The following KMT2C variants were observed in gnomAD, a reference collection of about 807,000 sequenced individuals.
KMT2C encodes histone-lysine N-methyltransferase 2C.
KMT2C carries 88 observed loss-of-function variants against 507.9 expected under a neutral mutation model. That is an observed-to-expected ratio of 0.17 (90% CI 0.15 to 0.21). KMT2C has a LOEUF of 0.21. Ranked by LOEUF, KMT2C falls within the 10% of genes least tolerant of loss-of-function variation. The probability of loss-of-function intolerance (pLI) is 1.00; values close to 1 mark genes in which losing one functional copy is unlikely to be tolerated. For missense variants in KMT2C, 4,954 were observed against 5,957.8 expected, an observed-to-expected ratio of 0.83 and a Z score of 5.55; for synonymous variants, 2,049 against 2,080.8, an observed-to-expected ratio of 0.98 and a Z score of 0.42.
intron 23 of KMT2C, among the ~76,000 whole-genome samples, chr7:152,218,067 T>C (rs1430603820): frequency 6.6e-6 from 1 of 152,152 alleles, no homozygotes; most frequent in African/African-American, 2.4e-5. Flanking sequence ...GAAAATCAGT[T>C]ACATACAAGC....
Position 152,250,887 on chromosome 7 carries a change from G to C in KMT2C, c.1701C>G (p.Asn567Lys), listed in dbSNP as rs371468635. ...FSEQAANKDV[N>K]GQESTPGIVP... ...CAATTCCAGGAGTGGACTCCTGACCGTTGACATCTTTATTAGCTGCCTGCT... is the reference window on the plus strand; with the variant it reads ...CAATTCCAGGAGTGGACTCCTGACCCTTGACATCTTTATTAGCTGCCTGCT... Residue 567 changes from asparagine to lysine, a missense_variant, in exon 12 of 59, where the codon AAC becomes AAG. Asn to Lys is a moderately conservative substitution (Grantham distance 94). Transcript: ENST00000262189. 1.2e-5 allele frequency: 19 copies of C among 1,607,154 alleles called. No individual in the cohort carries two copies. Among genetic ancestry groups the C allele is most frequent in the Non-Finnish European group, 1.4e-5 (17 of 1,173,872 alleles).
Position 152,163,115 on chromosome 7 carries a change from T to C in KMT2C, c.10462A>G (p.Ile3488Val). The stretch of plus-strand genomic sequence containing the variant: ...GGTGAATTAATTGATCCTTGTTGTA[T>C]ATTCTGCTGCTGTAAAACCTGCCCC... Reference protein sequence around the residue: ...QMGQVLQQQNIQQGSINSPST... With the variant: ...QMGQVLQQQNVQQGSINSPST... Residue 3488 changes from isoleucine to valine, a missense_variant, in exon 43 of 59, where the codon ATA becomes GTA. Ile to Val is a conservative substitution (Grantham distance 29). This residue lies in a region of KMT2C where 801 missense variants were observed against 751.2 expected (regional missense o/e 1.07). Coordinates refer to ENST00000262189, the MANE Select transcript of KMT2C (RefSeq NM_170606.3). 8.1e-6 allele frequency: 13 copies of C among 1,614,232 alleles called. No homozygotes were observed. The highest frequency in any genetic ancestry group is 9.3e-6 in the Non-Finnish European group (11 of 1,180,042).
At chr7:152,281,043 C>T (rs1355865731) in intron 6 of KMT2C, among the ~76,000 whole-genome samples, 1 of 152,132 alleles carries the variant, frequency 6.6e-6, no homozygotes, top group Non-Finnish European at 1.5e-5. Flanking sequence ...AGTAATCTCT[C>T]TATTTGTAAC....
chr7:152,151,254 T>C lies in KMT2C; in HGVS notation c.12666+188A>G, dbSNP rs28715166. ...AATACGTAGTCCTCATAATATTCCC[T>C]TTAACAGCCTGTTGTAGCTCTTTGG... On this transcript the variant is annotated intron_variant, in intron 50 of 58. Transcript: ENST00000262189. Among the ~76,000 whole-genome samples, 343 of 152,304 alleles carry C rather than the reference T, an allele frequency of 2.3e-3. 1 individual carries two copies. The highest frequency in any genetic ancestry group is 8.1e-3 in the African/African-American group (338 of 41,570).
At chr7:152,373,359 T>C (rs1214406450) in intron 1 of KMT2C, among the ~76,000 whole-genome samples, 1 of 152,202 alleles carries the variant, frequency 6.6e-6, no homozygotes, top group Non-Finnish European at 1.5e-5. Context: ...ACTCAATATA[T>C]GTTTTGTTGA....
chr7:152,197,326 A>G (rs957860751), intron 27 of KMT2C, among the ~76,000 whole-genome samples: 1 of 152,188 alleles, frequency 6.6e-6, no homozygotes, highest in Admixed American at 6.6e-5. Flanking sequence ...TTTAATAATT[A>G]TATTAGTCAT....
At chr7:152,171,063 G>T (rs972178258) in intron 40 of KMT2C, among the ~76,000 whole-genome samples, 1 of 152,194 alleles carries the variant, frequency 6.6e-6, no homozygotes, top group African/African-American at 2.4e-5. Context: ...TTTTGGCTGT[G>T]CTGATAGATA....
At chr7:152,306,335 T>C (rs1336145676) in intron 6 of KMT2C, among the ~76,000 whole-genome samples, 1 of 152,062 alleles carries the variant, frequency 6.6e-6, no homozygotes, top group Non-Finnish European at 1.5e-5. Flanking sequence ...AGAATCAGAG[T>C]TATACTGACA....
At position 152,163,366 on chromosome 7, in the gene KMT2C, A is replaced by G. The variant is rs1488734891; in HGVS notation, c.10211T>C (p.Leu3404Ser). ...SFQERERKER[L>S]REQQERQRIQ... is the part of the protein sequence containing the mutation. ...CCGTTGTCTCTCTTGCTGTTCTCGT[A>G]AACGTTCCTTACGTTCCCGTTCTTG... Residue 3404 changes from leucine to serine, a missense_variant, in exon 43 of 59, where the codon TTA becomes TCA. By Grantham distance (145) the Leu-to-Ser change is moderately radical (BLOSUM62 -2). Transcript: ENST00000262189. 6.2e-7 allele frequency: 1 copy of G among 1,614,046 alleles called. No homozygotes were observed. The highest frequency in any genetic ancestry group is 1.3e-5 in the African/African-American group (1 of 74,912).
At chr7:152,197,452 C>T (rs982196020) in intron 27 of KMT2C, among the ~76,000 whole-genome samples, 52 of 152,180 alleles carry the variant, frequency 3.4e-4, no homozygotes, top group African/African-American at 1.1e-3. Context: ...CAGTCTTGGT[C>T]CCATTATATA....
chr7:152,243,933 A>T (rs2095427844), intron 14 of KMT2C, among the ~76,000 whole-genome samples: 1 of 152,246 alleles, frequency 6.6e-6, no homozygotes, highest in Non-Finnish European at 1.5e-5. Flanking sequence ...GTGTGATTAC[A>T]TTCAATATCT....
chr7:152,389,254 A>G (rs1246244877), intron 1 of KMT2C, among the ~76,000 whole-genome samples: 2 of 150,420 alleles, frequency 1.3e-5, no homozygotes, highest in Non-Finnish European at 2.9e-5. Flanking sequence ...AGTCCCAGCT[A>G]CTCGGGAGGC....
chr7:152,430,077 C>T (rs1313263311), intron 1 of KMT2C, among the ~76,000 whole-genome samples: 1 of 150,896 alleles, frequency 6.6e-6, no homozygotes, highest in African/African-American at 2.4e-5. Flanking sequence ...TTTTGGGAGG[C>T]TGAGTCAGGC....
chr7:152,290,254 A>ATG (rs1285878646), intron 6 of KMT2C, among the ~76,000 whole-genome samples: 523 of 41,534 alleles, frequency 0.013, 1 homozygote, highest in Non-Finnish European at 0.016. Context: ...GTGTGTGTGT[A>ATG]TGTGTATATA....
rs542316089 is a variant in KMT2C at position 152,237,038 on chromosome 7, T to C, written c.2653-1105A>G. On this transcript the variant is annotated intron_variant, in intron 15 of 58. Transcript: ENST00000262189. ...TAATTTCAGACATTAAGTACCAGAG[T>C]ATGGTGTTCCCTGCCCCCTCACCCT... Among the ~76,000 whole-genome samples the C allele has an allele frequency of 1.1e-4, 17 of 152,144 alleles. No homozygotes were observed. The East Asian group carries it at 3.1e-3, about 28-fold the overall frequency.
At chr7:152,149,851 T>C (rs1228381324) in intron 51 of KMT2C, among the ~76,000 whole-genome samples, 1 of 152,114 alleles carries the variant, frequency 6.6e-6, no homozygotes, top group Non-Finnish European at 1.5e-5. Context: ...CCTGACAAGG[T>C]ATCTGAAAAA....
Position 152,139,264 on chromosome 7 carries a change from G to A in KMT2C, c.14461-5C>T, listed in dbSNP as rs2090238673. 2 of 1,612,810 alleles carry A rather than the reference G, an allele frequency of 1.2e-6. No individual in the cohort carries two copies. Among genetic ancestry groups the A allele is most frequent in the African/African-American group, 1.3e-5 (1 of 74,914 alleles). ...GAACATGTACACACCACGGTTCTGA[G>A]GGAAAAGTCAGTCAGTAAGTCATCA... On this transcript the variant is annotated splice_region_variant and splice_polypyrimidine_tract_variant and intron_variant, in intron 56 of 58. Transcript: ENST00000262189.
intron 1 of KMT2C, among the ~76,000 whole-genome samples, chr7:152,435,017 G>A (rs1267413787): frequency 1.3e-5 from 2 of 152,120 alleles, no homozygotes; most frequent in African/African-American, 2.4e-5. Context: ...TGGGTGTTGG[G>A]GGAGGGGGGA....
intron 9 of KMT2C, among the ~76,000 whole-genome samples, chr7:152,254,466 T>C (rs1252029134): frequency 6.6e-6 from 1 of 152,086 alleles, no homozygotes; most frequent in African/African-American, 2.4e-5. Flanking sequence ...TTAAAAGGTC[T>C]GAGGAGAAAA....
Sources: allele counts gnomAD v4.1 joint callset (sites outside exome capture counted in the v4.1 genomes callset), GRCh38; gene constraint gnomAD v4.1.1; regional missense constraint gnomAD v4.1.1; transcripts MANE v1.5; gene names NCBI Gene and HGNC (gene_info 2026-07-23, HGNC 2026-07-21).